KHDRBS2: variants seen among roughly 807,000 people sequenced by gnomAD.
KHDRBS2 encodes KH RNA binding domain containing, signal transduction associated 2.
KHDRBS2 carries 26 observed loss-of-function variants against 44.3 expected under a neutral mutation model. That is an observed-to-expected ratio of 0.59 (90% CI 0.43 to 0.81). KHDRBS2 has a LOEUF of 0.81. KHDRBS2 is among the 40% of genes least tolerant of loss of function. The pLI is 0.00. For synonymous variants in KHDRBS2, 194 were observed against 151.1 expected (o/e 1.28, Z -2.08); for missense variants, 476 against 433.1 (o/e 1.10, Z -0.88).
chr6:61,983,854 C>T (rs572765754), intron 3 of KHDRBS2, among the ~76,000 whole-genome samples: 8 of 152,284 alleles, frequency 5.3e-5, no homozygotes, highest in Non-Finnish European at 7.4e-5. Context: ...CTATAAACCA[C>T]TCTTACGGGT....
chr6:62,116,064 TAGGAA>T (rs1363187235), intron 2 of KHDRBS2, among the ~76,000 whole-genome samples: 2 of 151,970 alleles, frequency 1.3e-5, no homozygotes, highest in Non-Finnish European at 2.9e-5. Flanking sequence ...ATCATCAAAA[TAGGAA>T]AAGAAAAAAT....
At chr6:61,765,355 G>A (rs1739504900) in intron 6 of KHDRBS2, among the ~76,000 whole-genome samples, 2 of 152,164 alleles carry the variant, frequency 1.3e-5, no homozygotes. Flanking sequence ...CAGGAGACAG[G>A]TGGGAGGATA....
chr6:62,230,976 T>C (rs1024796890), intron 1 of KHDRBS2, among the ~76,000 whole-genome samples: 10 of 152,216 alleles, frequency 6.6e-5, no homozygotes, highest in Non-Finnish European at 2.9e-5. Flanking sequence ...ATTTATTTGG[T>C]TAAGTACTAA....
intron 2 of KHDRBS2, among the ~76,000 whole-genome samples, chr6:62,081,778 C>A (rs1797445396): frequency 6.6e-6 from 1 of 151,792 alleles, no homozygotes; most frequent in South Asian, 2.1e-4. Context: ...TTGCAGTTAT[C>A]AGCATGGTTT....
chr6:61,747,425 C>A (rs781390848), intron 6 of KHDRBS2, among the ~76,000 whole-genome samples: 3 of 152,062 alleles, frequency 2.0e-5, no homozygotes, highest in Non-Finnish European at 4.4e-5. Context: ...TAAGTTTTTG[C>A]CCCCAAAATA....
chr6:61,901,319 T>A lies in KHDRBS2; in HGVS notation c.536A>T (p.Asn179Ile). The A allele has an allele frequency of 6.2e-7, 1 of 1,613,336 alleles. No homozygotes were observed. The highest frequency in any genetic ancestry group is 1.3e-5 in the African/African-American group (1 of 74,978). Residue 179 changes from asparagine (N) to isoleucine (I), a missense_variant, in exon 5 of 9, where the codon AAT (asparagine) becomes ATT (isoleucine). By Grantham distance (149) the Asn-to-Ile change is moderately radical. Transcript: ENST00000281156. The stretch of plus-strand genomic sequence containing the variant: ...GCCACGACCAGAGTCCTCTGAGCCA[T>A]TTAAGTAAGATAATTCACGTAGTTG... ...QEQLRELSYL[N>I]GSEDSGRGRG...
the KHDRBS2 span, among the ~76,000 whole-genome samples, chr6:61,572,283 A>T: frequency 1.3e-5 from 2 of 152,128 alleles, no homozygotes; most frequent in Non-Finnish European, 1.5e-5. Context: ...AAATAAAAAA[A>T]TCTGAACAAA....
intron 4 of KHDRBS2, among the ~76,000 whole-genome samples, chr6:61,916,874 A>G (rs180691821): frequency 8.2e-4 from 124 of 151,830 alleles, no homozygotes; most frequent in African/African-American, 2.7e-3. Context: ...TAAAACAGTG[A>G]GACACCACTA....
chr6:61,761,664 C>T (rs1450565212), intron 6 of KHDRBS2, among the ~76,000 whole-genome samples: 2 of 152,070 alleles, frequency 1.3e-5, no homozygotes, highest in South Asian at 2.1e-4. Context: ...ATGGAACTGC[C>T]ATTATAATAT....
At chr6:61,948,195 C>G (rs1763992551) in intron 4 of KHDRBS2, among the ~76,000 whole-genome samples, 2 of 151,718 alleles carry the variant, frequency 1.3e-5, no homozygotes, top group Admixed American at 6.6e-5. Flanking sequence ...AAAATTCAAC[C>G]AACTATGAAG....
chr6:62,208,126 C>T (rs998816088), intron 1 of KHDRBS2, among the ~76,000 whole-genome samples: 3 of 152,104 alleles, frequency 2.0e-5, no homozygotes, highest in African/African-American at 7.2e-5. Context: ...GAAGTGAGAT[C>T]AGGTAATATT....
chr6:61,714,059 T>C (rs996047609), intron 7 of KHDRBS2, among the ~76,000 whole-genome samples: 1 of 151,784 alleles, frequency 6.6e-6, no homozygotes, highest in Non-Finnish European at 1.5e-5. Flanking sequence ...TACATTAAAT[T>C]AGAAAGCTTC....
intron 2 of KHDRBS2, among the ~76,000 whole-genome samples, chr6:62,087,553 A>T (rs1798629676): frequency 6.6e-6 from 1 of 152,200 alleles, no homozygotes; most frequent in South Asian, 2.1e-4. Flanking sequence ...TGAGTAAAAT[A>T]TTTCCAAATA....
At chr6:61,898,450 A>G (rs1048534761) in intron 5 of KHDRBS2, among the ~76,000 whole-genome samples, 3 of 152,008 alleles carry the variant, frequency 2.0e-5, no homozygotes, top group Non-Finnish European at 2.9e-5. Flanking sequence ...ACATATAATT[A>G]CATAACATAT....
At chr6:62,209,486 T>C (rs1052707512) in intron 1 of KHDRBS2, among the ~76,000 whole-genome samples, 11 of 152,234 alleles carry the variant, frequency 7.2e-5, no homozygotes, top group African/African-American at 2.7e-4. Flanking sequence ...AACACACACA[T>C]ACCCGTCACT....
At chr6:61,999,126 A>G (rs1364166149) in intron 3 of KHDRBS2, among the ~76,000 whole-genome samples, 3 of 152,068 alleles carry the variant, frequency 2.0e-5, no homozygotes, top group Admixed American at 6.6e-5. Context: ...AATTGGGAGG[A>G]AAGAAACAAA....
intron 4 of KHDRBS2, among the ~76,000 whole-genome samples, chr6:61,908,951 C>A (rs545535848): frequency 2.3e-4 from 35 of 152,226 alleles, no homozygotes; most frequent in African/African-American, 7.9e-4. Flanking sequence ...TATAAAGTAG[C>A]TTTAAAAATG....
the KHDRBS2 span, among the ~76,000 whole-genome samples, chr6:61,640,926 T>C: frequency 0.025 from 3,722 of 151,682 alleles, 70 homozygotes; most frequent in Middle Eastern, 0.088. Context: ...GTTTTGTTGC[T>C]ACTTTCTTAG....
chr6:61,547,371 G>A, the KHDRBS2 span, among the ~76,000 whole-genome samples: 2 of 152,124 alleles, frequency 1.3e-5, no homozygotes, highest in African/African-American at 4.8e-5. Flanking sequence ...TTATTCCATA[G>A]TGTAACCTCA....
Sources: gnomAD v4.1 joint callset for allele counts (sites outside exome capture counted in the v4.1 genomes callset) on GRCh38, gnomAD v4.1.1 for gene constraint, MANE v1.5 for transcripts, NCBI Gene and HGNC (gene_info 2026-07-23, HGNC 2026-07-21) for gene names.